Variants in VCL observed in about 807,000 individuals in gnomAD.
The protein encoded by VCL is vinculin.
In VCL, 47 loss-of-function variants were observed where a neutral mutation model predicts 125.7. That is an observed-to-expected ratio of 0.37 (90% CI 0.30 to 0.48). VCL has a LOEUF of 0.48. VCL is among the 20% of genes least tolerant of loss of function. The probability of loss-of-function intolerance (pLI) is 0.99; values close to 1 mark genes in which losing one functional copy is unlikely to be tolerated. For missense variants in VCL, 1,069 were observed against 1,455.5 expected, an observed-to-expected ratio of 0.73 and a Z score of 4.32; for synonymous variants, 458 against 514.6, an observed-to-expected ratio of 0.89 and a Z score of 1.49.
intron 18 of VCL, among the ~76,000 whole-genome samples, chr10:74,111,100 C>T (rs1320695964): frequency 3.3e-5 from 5 of 152,142 alleles, no homozygotes; most frequent in African/African-American, 7.2e-5. Flanking sequence ...TGAGGTGGTA[C>T]TAGCAATGGA....
Position 74,090,086 on chromosome 10 carries a change from G to A in VCL, c.1240G>A (p.Glu414Lys). The A allele has an allele frequency of 6.2e-7, 1 of 1,614,176 alleles. No individual in the cohort carries two copies. Among genetic ancestry groups the A allele is most frequent in the South Asian group, 1.1e-5 (1 of 91,084 alleles). The change falls in exon 10 of 22, where the codon GAA becomes AAA. Residue 414 changes from glutamate to lysine, a missense_variant. Physicochemically the swap from Glu to Lys is moderately conservative, Grantham distance 56. This residue lies in a region of VCL where 760 missense variants were observed against 928.9 expected (regional missense o/e 0.82). Coordinates refer to ENST00000211998, the MANE Select transcript of VCL (RefSeq NM_014000.3). ...AGAGCAGATTCGAGGTGCTTTGGCTGAAGCTCGGAAAATAGCAGAATTATG... is the reference window on the plus strand; with the variant it reads ...AGAGCAGATTCGAGGTGCTTTGGCTAAAGCTCGGAAAATAGCAGAATTATG... ...GEEQIRGALA[E>K]ARKIAELCDD...
chr10:74,020,796 G>A (rs928799195), intron 1 of VCL, among the ~76,000 whole-genome samples: 3 of 127,284 alleles, frequency 2.4e-5, no homozygotes, highest in East Asian at 2.2e-4. Context: ...AACCATGATC[G>A]CCCCACTGCA....
chr10:74,026,067 G>A (rs1266539505), intron 1 of VCL, among the ~76,000 whole-genome samples: 1 of 152,160 alleles, frequency 6.6e-6, no homozygotes. Context: ...AGAAGCTAAT[G>A]TTTTATTATG....
chr10:74,112,088 G>C lies in VCL; in HGVS notation c.2925G>C (p.Arg975=). ...TGGCCGCGGCTCAGTCCTTGCATCG[G>C]GAAGCTACCAAGTGGTCTAGTAAGG... ...PILAAAQSLH[R]EATKWSSKGN... is the part of the protein sequence containing the mutation. The change falls in exon 19 of 22, where the codon CGG becomes CGC. Residue 975 remains arginine, a synonymous_variant. Coordinates refer to ENST00000211998, the MANE Select transcript of VCL (RefSeq NM_014000.3). 6.2e-7 allele frequency: 1 copy of C among 1,614,198 alleles called. No individual in the cohort carries two copies.
chr10:74,035,105 G>A (rs1445648168), intron 1 of VCL, among the ~76,000 whole-genome samples: 1 of 152,076 alleles, frequency 6.6e-6, no homozygotes, highest in African/African-American at 2.4e-5. Context: ...CTTTAGTTAC[G>A]ACTTACATTG....
Position 74,090,231 on chromosome 10 carries a change from ATCTTT to A in VCL, c.1352+38_1352+42del, listed in dbSNP as rs544882793. 3.3e-5 allele frequency: 53 copies of A among 1,611,216 alleles called. 1 individual carries two copies. In the South Asian group the frequency reaches 4.7e-4, roughly 14 times the overall value. On this transcript the variant is annotated intron_variant, in intron 10 of 21. Coordinates refer to ENST00000211998, the MANE Select transcript of VCL (RefSeq NM_014000.3). ...TTTAACCCTTACATTGCCTTTTCAT[ATCTTT>A]TCTTCTCTTTCTCTCTCCCTTCCCT...
intron 2 of VCL, among the ~76,000 whole-genome samples, chr10:74,044,339 T>C (rs1160242968): frequency 6.6e-6 from 1 of 152,088 alleles, no homozygotes; most frequent in Non-Finnish European, 1.5e-5. Flanking sequence ...AAGTAAAAGC[T>C]GATGTGTAGG....
chr10:74,067,487 T>A (rs752858990), intron 2 of VCL, among the ~76,000 whole-genome samples: 1 of 152,150 alleles, frequency 6.6e-6, no homozygotes, highest in Non-Finnish European at 1.5e-5. Flanking sequence ...AAATCAAACA[T>A]GGAATTACTA....
intron 16 of VCL, 145 bp from the exon 17 acceptor site, chr10:74,107,085 C>A: frequency 7.5e-7 from 1 of 1,337,128 alleles, no homozygotes; most frequent in Non-Finnish European, 1.0e-6. Flanking sequence ...CTTGTCCTGC[C>A]TCCCCCCTTC....
At chr10:74,081,359 C>CT (rs1564525747) in intron 6 of VCL, among the ~76,000 whole-genome samples, 1 of 152,110 alleles carries the variant, frequency 6.6e-6, no homozygotes, top group Admixed American at 6.6e-5. Context: ...AGTGCTGTAT[C>CT]TTTTTTTGAA....
chr10:74,045,622 CAA>C (rs71482565), intron 2 of VCL, among the ~76,000 whole-genome samples: 22 of 93,100 alleles, frequency 2.4e-4, no homozygotes, highest in South Asian at 8.3e-4. Flanking sequence ...GACTCTGTCT[CAA>C]AAAAAAAAAA....
chr10:74,097,328 A>G lies in VCL; in HGVS notation c.1868A>G (p.Glu623Gly). ...ATAPPDAPNR[E>G]EVFDERAANF... ...GCGCCTCCTGATGCGCCTAACAGGGAAGAGGTGGGTATCTGAGGTCTTCCA... is the reference window on the plus strand; with the variant it reads ...GCGCCTCCTGATGCGCCTAACAGGGGAGAGGTGGGTATCTGAGGTCTTCCA... Residue 623 changes from glutamate to glycine, a missense_variant, in exon 13 of 22, where the codon GAA becomes GGA. Physicochemically the swap from Glu to Gly is moderately conservative, Grantham distance 98. This residue lies in a region of VCL where 760 missense variants were observed against 928.9 expected (regional missense o/e 0.82). Coordinates refer to ENST00000211998, the MANE Select transcript of VCL (RefSeq NM_014000.3). This position sits in a 1 kb window ranked among gnomAD's most constrained non-coding sequence, Gnocchi z 4.1. The G allele has an allele frequency of 6.2e-7, 1 of 1,613,218 alleles. No homozygotes were observed. The highest frequency in any genetic ancestry group is 8.5e-7 in the Non-Finnish European group (1 of 1,179,726).
At chr10:74,025,611 C>G (rs1281530464) in intron 1 of VCL, among the ~76,000 whole-genome samples, 2 of 91,650 alleles carry the variant, frequency 2.2e-5, no homozygotes, top group Non-Finnish European at 4.2e-5. Context: ...AAAACCCTGT[C>G]AAAAAAAAGA....
intron 6 of VCL, among the ~76,000 whole-genome samples, chr10:74,079,718 A>G (rs941856659): frequency 6.6e-6 from 1 of 152,196 alleles, no homozygotes; most frequent in South Asian, 2.1e-4. Context: ...GTCTTAGGAG[A>G]AAAAAATTCC....
intron 8 of VCL, among the ~76,000 whole-genome samples, chr10:74,084,151 C>A (rs1263479114): frequency 6.6e-6 from 1 of 152,136 alleles, no homozygotes; most frequent in Admixed American, 6.5e-5. Context: ...AGGAGTGAGC[C>A]ACTGTGCCCG....
intron 20 of VCL, 88 bp from the exon 21 acceptor site, chr10:74,114,707 G>A: frequency 7.2e-7 from 1 of 1,385,026 alleles, no homozygotes; most frequent in South Asian, 1.2e-5. Flanking sequence ...GCCAGCCACT[G>A]GGAATACAGA....
intron 5 of VCL, 93 bp downstream of exon 5, chr10:74,072,945 C>CTTTT: frequency 3.1e-6 from 4 of 1,279,734 alleles, no homozygotes; most frequent in South Asian, 1.3e-5. Flanking sequence ...GTTTTCTTTT[C>CTTTT]TTTTTTTTTT....
intron 1 of VCL, among the ~76,000 whole-genome samples, chr10:74,005,688 T>C (rs940024018): frequency 2.0e-5 from 3 of 152,192 alleles, no homozygotes; most frequent in Non-Finnish European, 2.9e-5. Context: ...CCCCCTCGGA[T>C]ACCAAAATCT....
chr10:74,055,056 T>C (rs1841369098), intron 2 of VCL, among the ~76,000 whole-genome samples: 2 of 152,028 alleles, frequency 1.3e-5, no homozygotes, highest in African/African-American at 4.8e-5. Flanking sequence ...TCCCAGCCTT[T>C]TGGGAGGCTA....
Sources: gnomAD v4.1 joint callset for allele counts (sites outside exome capture counted in the v4.1 genomes callset) on GRCh38, gnomAD v4.1.1 for gene constraint, gnomAD v4.1.1 regional missense constraint, Gnocchi (gnomAD v3.1) non-coding constraint, MANE v1.5 for transcripts, NCBI Gene and HGNC (gene_info 2026-07-23, HGNC 2026-07-21) for gene names.